Variants in PRDM16 observed in about 807,000 individuals in gnomAD.
PRDM16 encodes the protein PR/SET domain 16.
Under a neutral mutation model 110.6 loss-of-function variants are expected in PRDM16, and 23 were observed. The observed-to-expected ratio is 0.21, with a 90% CI of 0.15 to 0.29. The LOEUF (loss-of-function observed/expected upper bound fraction) is 0.29. Among genes scored for constraint, PRDM16 ranks in the 10% least tolerant of loss-of-function variants. PRDM16 has a pLI of 1.00. For missense variants in PRDM16, 1,615 were observed against 1,794.3 expected (o/e 0.90, Z 1.81); for synonymous variants, 799 against 781.8 (o/e 1.02, Z -0.37).
At chr1:3,191,514 G>A (rs1273766632) in intron 2 of PRDM16, among the ~76,000 whole-genome samples, 1 of 152,208 alleles carries the variant, frequency 6.6e-6, no homozygotes, top group East Asian at 1.9e-4. Flanking sequence ...AGAGCAAGTA[G>A]AGCCTGCACT....
rs1018787155 is a variant in PRDM16 at position 3,190,035 on chromosome 1, G to C, written c.387+3561G>C. Among the ~76,000 whole-genome samples, 19 of 152,320 alleles carry C rather than the reference G, an allele frequency of 1.2e-4. 5 individuals are homozygous for C. The highest frequency in any genetic ancestry group is 5.8e-4 in the East Asian group (3 of 5,180). ...AGTGCCAGGCAACCCTCGGCTTTGG[G>C]ATGACTGGGGAGGGTCAGGGGCTCT... is the stretch of plus-strand genomic sequence containing the variant. On this transcript the variant is annotated intron_variant, in intron 2 of 16. Transcript: ENST00000270722. The surrounding 1 kb of genome is among the most constrained non-coding windows in gnomAD (Gnocchi z 5.0).
intron 2 of PRDM16, among the ~76,000 whole-genome samples, chr1:3,220,250 C>T (rs1268387458): frequency 3.9e-5 from 6 of 152,320 alleles, no homozygotes; most frequent in Middle Eastern, 3.4e-3. Flanking sequence ...GCCTCCCAGC[C>T]GATGCACACA....
chr1:3,382,430 A>C lies in PRDM16; in HGVS notation c.439-2722A>C, dbSNP rs564947932. On this transcript the variant is annotated intron_variant, in intron 3 of 16. Transcript: ENST00000270722. This position sits in a 1 kb window ranked among gnomAD's most constrained non-coding sequence, Gnocchi z 6.6. ...TTTAGGGACCAGGACCTCAAATGTC[A>C]AGGGATTTGCAGTCCTGCCTGGGGC... Among the ~76,000 whole-genome samples the C allele has an allele frequency of 1.3e-5, 2 of 152,182 alleles. No individual in the cohort carries two copies. The highest frequency in any genetic ancestry group is 2.9e-5 in the Non-Finnish European group (2 of 68,028).
intron 3 of PRDM16, among the ~76,000 whole-genome samples, chr1:3,326,120 C>T (rs1466789189): frequency 5.6e-5 from 8 of 142,112 alleles, no homozygotes; most frequent in South Asian, 2.3e-4. Flanking sequence ...CCTTGGCCCT[C>T]GTTGGCCATC....
At chr1:3,110,179 T>G in intron 1 of PRDM16, among the ~76,000 whole-genome samples, 1 of 113,880 alleles carries the variant, frequency 8.8e-6, no homozygotes, top group Non-Finnish European at 1.7e-5. Context: ...ACAGTGTCTG[T>G]GGATCCCCCA....
At chr1:3,316,098 C>G (rs1320549441) in intron 3 of PRDM16, among the ~76,000 whole-genome samples, 1 of 138,816 alleles carries the variant, frequency 7.2e-6, no homozygotes, top group Non-Finnish European at 1.6e-5. Flanking sequence ...TTCTCCTGTT[C>G]CTTTTTAAAC....
At chr1:3,341,276 G>A (rs76529959) in intron 3 of PRDM16, among the ~76,000 whole-genome samples, 3,106 of 152,312 alleles carry the variant, frequency 0.02, 158 homozygotes, top group Admixed American at 0.099. Context: ...CATCCCCGTT[G>A]GCAAGGGTAG....
chr1:3,095,244 G>C (rs1312477813), intron 1 of PRDM16, among the ~76,000 whole-genome samples: 2 of 152,242 alleles, frequency 1.3e-5, no homozygotes, highest in African/African-American at 2.4e-5. Flanking sequence ...GCCTCAGCCA[G>C]CAGCCCTGCA....
In PRDM16 at chr1:3,069,899, G is replaced by T. The variant is rs1641705930; in HGVS notation, c.37+603G>T. Among the ~76,000 whole-genome samples the T allele has an allele frequency of 1.3e-5, 2 of 151,932 alleles. No homozygotes were observed. The highest frequency in any genetic ancestry group is 4.0e-4 in the East Asian group (2 of 5,048). On this transcript the variant is annotated intron_variant, in intron 1 of 16. Coordinates refer to ENST00000270722, the MANE Select transcript of PRDM16 (RefSeq NM_022114.4). The surrounding 1 kb of genome is among the most constrained non-coding windows in gnomAD (Gnocchi z 6.1). ...CCCGGCTCCGCGGGCGCAGGGGCAG[G>T]GGTGGCGACGGCGGGACAGCCGCAG... is the stretch of plus-strand genomic sequence containing the variant.
At chr1:3,173,323 A>T (rs552300491) in intron 1 of PRDM16, among the ~76,000 whole-genome samples, 9 of 152,380 alleles carry the variant, frequency 5.9e-5, no homozygotes, top group African/African-American at 1.9e-4. Context: ...TGACAGTGGC[A>T]TCGCGAGTCA....
chr1:3,400,200 C>T (rs191079445), intron 5 of PRDM16, among the ~76,000 whole-genome samples: 2 of 152,362 alleles, frequency 1.3e-5, no homozygotes, highest in Admixed American at 6.5e-5. Flanking sequence ...ACGAGCAACT[C>T]GGTGTTGCCC....
In PRDM16 at chr1:3,172,484, G is replaced by A. The variant is rs12745891; in HGVS notation, c.38-13641G>A. On this transcript the variant is annotated intron_variant, in intron 1 of 16. Transcript: ENST00000270722. ...CACGCCGTAGATTCAGACGGCACAC[G>A]CATGTTCACACGTGCTTCCCACAGT... Among the ~76,000 whole-genome samples the A allele has an allele frequency of 1.9e-3, 296 of 152,298 alleles. 2 individuals carry two copies. Among genetic ancestry groups the A allele is most frequent in the Middle Eastern group, 3.4e-3 (1 of 294 alleles).
At position 3,404,766 on chromosome 1, in the gene PRDM16, G is replaced by C. The variant is rs371323418; in HGVS notation, c.912G>C (p.Thr304=). 1.9e-6 allele frequency: 3 copies of C among 1,613,432 alleles called. No individual in the cohort carries two copies. Among genetic ancestry groups the C allele is most frequent in the East Asian group, 2.2e-5 (1 of 44,896 alleles). Residue 304 remains threonine (T), a synonymous_variant, in exon 7 of 17, where the codon ACG becomes ACC. Transcript: ENST00000270722. ...TGGAGCAGCACATGGTCATCCACAC[G>C]GAGGAGCGCGAGTACAAATGCGACC... is the stretch of plus-strand genomic sequence containing the variant. ...YSLEQHMVIH[T]EEREYKCDQC...
intron 3 of PRDM16, among the ~76,000 whole-genome samples, chr1:3,318,139 C>A (rs1322200298): frequency 6.6e-6 from 1 of 151,368 alleles, no homozygotes. Context: ...CAGTTTTTTA[C>A]TGCAAGTTTT....
chr1:3,197,254 C>T (rs10909896), intron 2 of PRDM16, among the ~76,000 whole-genome samples: 45,270 of 152,040 alleles, frequency 0.3, 8,875 homozygotes, highest in African/African-American at 0.55. Flanking sequence ...AGGACAAGAG[C>T]CCAGGGTCCC....
chr1:3,315,564 G>GTTGTTGTTCT (rs1200148480), intron 3 of PRDM16, among the ~76,000 whole-genome samples: 3 of 152,190 alleles, frequency 2.0e-5, no homozygotes, highest in Admixed American at 6.5e-5. Flanking sequence ...CACTTGACAA[G>GTTGTTGTTCT]TTGTTGTTCT....
At chr1:3,237,612 G>C (rs1320332219) in intron 2 of PRDM16, among the ~76,000 whole-genome samples, 1 of 152,248 alleles carries the variant, frequency 6.6e-6, no homozygotes, top group Non-Finnish European at 1.5e-5. Flanking sequence ...AAGGGGTGTG[G>C]AGCCTGCTCC....
intron 3 of PRDM16, among the ~76,000 whole-genome samples, chr1:3,277,803 A>G (rs1476852848): frequency 6.6e-6 from 1 of 152,176 alleles, no homozygotes; most frequent in Non-Finnish European, 1.5e-5. Flanking sequence ...ACAAACGCAC[A>G]GTTGTGAACA....
chr1:3,411,084 A>C (rs1308716242), intron 8 of PRDM16, among the ~76,000 whole-genome samples: 1 of 152,146 alleles, frequency 6.6e-6, no homozygotes, highest in Non-Finnish European at 1.5e-5. Flanking sequence ...TCATGTGTGC[A>C]CACGTGTGCA....
Sources: allele counts gnomAD v4.1 joint callset (sites outside exome capture counted in the v4.1 genomes callset), GRCh38; gene constraint gnomAD v4.1.1; non-coding constraint Gnocchi (gnomAD v3.1); transcripts MANE v1.5; gene names NCBI Gene and HGNC (gene_info 2026-07-23, HGNC 2026-07-21).